Variants in HMCN1 observed in about 807,000 individuals in gnomAD.
HMCN1 encodes the protein hemicentin-1.
HMCN1 carries 321 observed loss-of-function variants against 625.9 expected under a neutral mutation model. The observed-to-expected ratio is 0.51, with a 90% CI of 0.47 to 0.56. The LOEUF (loss-of-function observed/expected upper bound fraction) is 0.56. HMCN1 is among the 20% of genes least tolerant of loss of function. The pLI is 0.00. For synonymous variants in HMCN1, 2,425 were observed against 2,417.6 expected, an observed-to-expected ratio of 1.00 and a Z score of -0.09; for missense variants, 6,588 against 6,887.3, an observed-to-expected ratio of 0.96 and a Z score of 1.54.
At chr1:185,781,929 T>C (rs1265934474) in intron 1 of HMCN1, among the ~76,000 whole-genome samples, 8 of 152,228 alleles carry the variant, frequency 5.3e-5, no homozygotes, top group African/African-American at 1.9e-4. Flanking sequence ...TGTAGATGTC[T>C]AATGTTGACA....
At position 185,879,812 on chromosome 1, in the gene HMCN1, A is replaced by G. The variant is rs149710459; in HGVS notation, c.621+13949A>G. 4.9e-3 allele frequency among the ~76,000 whole-genome samples: 747 copies of G among 152,256 alleles called. 8 individuals are homozygous for G. The highest frequency in any genetic ancestry group is 0.017 in the African/African-American group (718 of 41,554). On this transcript the variant is annotated intron_variant, in intron 4 of 106. Transcript: ENST00000271588. ...ATGGAGCAGTGAGGAGGGTTACAAGAGTTGAGGAGGTCATTGAGAGGTCAG... is the reference window on the plus strand; with the variant it reads ...ATGGAGCAGTGAGGAGGGTTACAAGGGTTGAGGAGGTCATTGAGAGGTCAG...
intron 68 of HMCN1, among the ~76,000 whole-genome samples, 195 bp downstream of exon 68, chr1:186,095,716 A>C (rs1660107686): frequency 6.6e-6 from 1 of 152,190 alleles, no homozygotes; most frequent in Non-Finnish European, 1.5e-5. Flanking sequence ...TGTATTTTTT[A>C]TCTCTCTGAA....
At chr1:185,869,583 G>GA (rs201950437) in intron 4 of HMCN1, among the ~76,000 whole-genome samples, 1 of 148,290 alleles carries the variant, frequency 6.7e-6, no homozygotes, top group Non-Finnish European at 1.5e-5. Flanking sequence ...CACTGTGTGT[G>GA]AAAAAAAAAT....
chr1:186,002,229 A>G (rs1201477950), intron 28 of HMCN1, among the ~76,000 whole-genome samples: 1 of 152,106 alleles, frequency 6.6e-6, no homozygotes, highest in Non-Finnish European at 1.5e-5. Context: ...TTAAGTAGGT[A>G]GCAGCTGTAA....
intron 58 of HMCN1, 50 bp from the exon 59 acceptor site, chr1:186,087,167 T>A: frequency 8.6e-7 from 1 of 1,163,208 alleles, no homozygotes; most frequent in Non-Finnish European, 1.3e-6. Flanking sequence ...AAAATAGTTG[T>A]TAGAACAACC....
chr1:185,746,277 G>A (rs1438731291), intron 1 of HMCN1, among the ~76,000 whole-genome samples: 2 of 152,194 alleles, frequency 1.3e-5, no homozygotes, highest in Admixed American at 1.3e-4. Context: ...TACTTGCTGT[G>A]TAATCTTAAG....
chr1:186,091,059 T>C (rs1044494101), intron 64 of HMCN1, 142 bp downstream of exon 64: 1 of 882,868 alleles, frequency 1.1e-6, no homozygotes. Context: ...AACAAAAAAC[T>C]TTTTTTTGAG....
chr1:185,840,869 C>A (rs1360953422), intron 1 of HMCN1, among the ~76,000 whole-genome samples: 2 of 152,048 alleles, frequency 1.3e-5, no homozygotes, highest in African/African-American at 4.8e-5. Flanking sequence ...TTAAAAAGAA[C>A]AAAGAAATTG....
chr1:185,942,190 C>CAA (rs541622782), intron 11 of HMCN1, among the ~76,000 whole-genome samples: 6 of 53,034 alleles, frequency 1.1e-4, no homozygotes, highest in East Asian at 5.3e-4. Context: ...GACTCCATCT[C>CAA]AAAAAAAAAA....
At chr1:185,836,828 G>T (rs1005023804) in intron 1 of HMCN1, among the ~76,000 whole-genome samples, 1 of 151,774 alleles carries the variant, frequency 6.6e-6, no homozygotes, top group African/African-American at 2.4e-5. Flanking sequence ...TACCTTCTTG[G>T]TGTCCATATG....
At chr1:186,029,398 T>C (rs1019594404) in intron 36 of HMCN1, among the ~76,000 whole-genome samples, 1 of 152,186 alleles carries the variant, frequency 6.6e-6, no homozygotes, top group Admixed American at 6.5e-5. Context: ...ATCACACATA[T>C]AATTCACATA....
intron 1 of HMCN1, among the ~76,000 whole-genome samples, chr1:185,760,667 G>A (rs1655437850): frequency 6.6e-6 from 1 of 151,934 alleles, no homozygotes; most frequent in Admixed American, 6.6e-5. Context: ...TAAGAAAATT[G>A]GAATTATAGT....
In HMCN1 at chr1:186,074,772, C is replaced by T. The variant is rs771629360; in HGVS notation, c.8171C>T (p.Ala2724Val). The change falls in exon 53 of 107, where the codon GCT becomes GTT. Residue 2724 changes from alanine to valine, a missense_variant. Ala to Val is a moderately conservative substitution (Grantham distance 64, BLOSUM62 0). This residue lies in a region of HMCN1 where 4,628 missense variants were observed against 4,853.1 expected (regional missense o/e 0.95). Transcript: ENST00000271588. Reference sequence around the variant, plus strand: ...AAATCCGATGATCATGTTAATATTGCTGCGAATGGACACACACTTCAAATA... The same window carrying T: ...AAATCCGATGATCATGTTAATATTGTTGCGAATGGACACACACTTCAAATA... Reference protein sequence around the residue: ...PLKSDDHVNIAANGHTLQIKE... With the variant: ...PLKSDDHVNIVANGHTLQIKE... 6.8e-6 allele frequency: 11 copies of T among 1,612,872 alleles called. No individual in the cohort carries two copies. Among genetic ancestry groups the T allele is most frequent in the Non-Finnish European group, 9.3e-6 (11 of 1,179,240 alleles).
chr1:186,168,548 A>AG (rs1652026565), intron 100 of HMCN1, among the ~76,000 whole-genome samples: 1 of 126,548 alleles, frequency 7.9e-6, no homozygotes, highest in African/African-American at 3.3e-5. Context: ...CAAATAGAAA[A>AG]CAGTACACAA....
Position 186,137,489 on chromosome 1 carries a change from T to C in HMCN1, c.13583-9T>C, listed in dbSNP as rs1649678479. 1 of 1,612,698 alleles carries C rather than the reference T, an allele frequency of 6.2e-7. No homozygotes were observed. The highest frequency in any genetic ancestry group is 2.2e-5 in the East Asian group (1 of 44,774). Reference sequence around the variant, plus strand: ...AAAGCTTAGACAAAGTACAATGTTTTATTTGCAGTTCATGGTGGATTTTCC... The same window carrying C: ...AAAGCTTAGACAAAGTACAATGTTTCATTTGCAGTTCATGGTGGATTTTCC... On this transcript the variant is annotated splice_polypyrimidine_tract_variant and intron_variant, in intron 87 of 106. Transcript: ENST00000271588.
intron 4 of HMCN1, among the ~76,000 whole-genome samples, chr1:185,887,146 C>A (rs2102402785): frequency 6.6e-6 from 1 of 152,166 alleles, no homozygotes; most frequent in East Asian, 1.9e-4. Context: ...TGTCCACCTG[C>A]CATGTGTACA....
At chr1:186,041,307 G>T (rs1456057306) in intron 40 of HMCN1, among the ~76,000 whole-genome samples, 171 bp downstream of exon 40, 1 of 152,052 alleles carries the variant, frequency 6.6e-6, no homozygotes, top group African/African-American at 2.4e-5. Flanking sequence ...GACTTTGGAT[G>T]ATTTTCCTTT....
Position 185,970,589 on chromosome 1 carries a change from C to T in HMCN1, c.2371+96C>T, listed in dbSNP as rs564930058. 4.7e-6 allele frequency: 5 copies of T among 1,069,684 alleles called. No homozygotes were observed. The Admixed American group carries it at 6.9e-5, about 15-fold the overall frequency. The allele number at this position is 1,069,684 out of a possible 1,614,324, so 66.3% of individuals were successfully genotyped here. ...GAAATGGTTTGGTAGAATTATTCAT[C>T]AGAATGGCAAAATTAGAGGGTGCAT... On this transcript the variant is annotated intron_variant, in intron 15 of 106. Coordinates refer to ENST00000271588, the MANE Select transcript of HMCN1 (RefSeq NM_031935.3).
At chr1:185,794,424 C>T (rs1658220925) in intron 1 of HMCN1, among the ~76,000 whole-genome samples, 2 of 150,046 alleles carry the variant, frequency 1.3e-5, no homozygotes, top group Admixed American at 1.3e-4. Context: ...CATCTGCAAG[C>T]TGAGGAGTAA....
Sources: allele counts gnomAD v4.1 joint callset (sites outside exome capture counted in the v4.1 genomes callset), GRCh38; gene constraint gnomAD v4.1.1; regional missense constraint gnomAD v4.1.1; transcripts MANE v1.5; gene names NCBI Gene and HGNC (gene_info 2026-07-23, HGNC 2026-07-21).